The following FAM221B variants were observed in gnomAD, a reference collection of about 807,000 sequenced individuals.
FAM221B encodes the protein family with sequence similarity 221 member B, also known as protein FAM221B.
Under a neutral mutation model 39.8 loss-of-function variants are expected in FAM221B, and 35 were observed. That is an observed-to-expected ratio of 0.88 (90% CI 0.67 to 1.17). FAM221B has a LOEUF of 1.17. Ranked by LOEUF, FAM221B falls within the 50% of genes most tolerant of loss-of-function variation. FAM221B has a pLI of 0.00. For missense variants in FAM221B, 479 were observed against 503.1 expected (o/e 0.95, Z 0.46); for synonymous variants, 158 against 178.1 (o/e 0.89, Z 0.90).
At chr9:35,818,816 A>T (rs1829070696) in intron 6 of FAM221B, 74 bp downstream of exon 6, 1 of 1,538,042 alleles carries the variant, frequency 6.5e-7, no homozygotes, top group African/African-American at 1.4e-5. Context: ...ATGGTTGAGG[A>T]TGGGAGTGCC....
intron 3 of FAM221B, chr9:35,821,371 G>A (rs544946850): frequency 1.0e-5 from 12 of 1,192,620 alleles, no homozygotes; most frequent in Non-Finnish European, 1.3e-5. Context: ...GGCATCATCT[G>A]GTCTTTGACT....
Position 35,819,966 on chromosome 9 carries a change from T to C in FAM221B, c.777A>G (p.Leu259=), listed in dbSNP as rs1413908509. The change falls in exon 4 of 7, where the codon CTA becomes CTG. Residue 259 remains leucine (L), a synonymous_variant. Transcript: ENST00000423537. The part of the protein sequence containing the change: ...LYIGWRCPHY[L]WDCFRIGDES... ...CATCCCCAATCCGGAAACAGTCCCA[T>C]AGGTAATGGGGGCAGCGCCAGCCAA... The C allele has an allele frequency of 6.2e-7, 1 of 1,613,992 alleles. No homozygotes were observed. Among genetic ancestry groups the C allele is most frequent in the East Asian group, 2.2e-5 (1 of 44,886 alleles).
chr9:35,826,253 A>C, intron 1 of FAM221B, 92 bp from the exon 2 acceptor site: 1 of 953,256 alleles, frequency 1.0e-6, no homozygotes, highest in Non-Finnish European at 1.6e-6. Context: ...GCATTATGGA[A>C]TTTGGATAAG....
Position 35,816,956 on chromosome 9 carries a change from G to T in FAM221B, c.*1513C>A. On this transcript the variant is annotated 3_prime_UTR_variant, in exon 7 of 7. Coordinates refer to ENST00000423537, the MANE Select transcript of FAM221B (RefSeq NM_001012446.4). ...GAGACCCTAGAGTTGCCCTGGAGAA[G>T]GGCGAGAGATAAGTGGATCTGGGAT... 6.6e-6 allele frequency: 1 copy of T among 152,374 alleles called. No individual in the cohort carries two copies. 9.4% of individuals were successfully genotyped at this position (152,374 alleles called of 1,614,324 possible). A position where few individuals can be genotyped will look rare whatever the true frequency, so the allele number is the denominator to read the frequency against.
chr9:35,819,368 G>A lies in FAM221B; in HGVS notation c.880C>T (p.Gln294Ter), dbSNP rs752249442. 43 of 1,551,618 alleles carry A rather than the reference G, an allele frequency of 2.8e-5. No homozygotes were observed. The South Asian group carries it at 4.9e-4, about 18-fold the overall frequency. ...SDISVPCKVSQCRCFMFCFIP... is the reference protein window; with the variant it reads ...SDISVPCKVS ...AAGCAGAACATGAAGCAGCGGCACT[G>A]GCTTACCTTGCAGGGCACCGATATG... The change falls in exon 5 of 7, where the codon CAG becomes TAG. Residue 294 changes from glutamine (Q) to a stop codon, truncating the protein, a stop_gained. Transcript: ENST00000423537. LOFTEE classifies it high-confidence loss of function.
intron 5 of FAM221B, 36 bp from the exon 6 acceptor site, chr9:35,819,045 AT>A (rs1468311343): frequency 6.4e-7 from 1 of 1,551,258 alleles, no homozygotes; most frequent in South Asian, 1.2e-5. Flanking sequence ...AGTTTAGGAA[AT>A]GGTGGTATCC....
At chr9:35,824,332 A>G (rs1421609256) in intron 3 of FAM221B, among the ~76,000 whole-genome samples, 1 of 152,188 alleles carries the variant, frequency 6.6e-6, no homozygotes, top group Non-Finnish European at 1.5e-5. Context: ...CATGCATAGG[A>G]TGGCATGTTT....
At position 35,819,952 on chromosome 9, in the gene FAM221B, C is replaced by G; in HGVS notation, c.791G>C (p.Arg264Pro). Residue 264 changes from arginine (R) to proline (P), a missense_variant, in exon 4 of 7, where the codon CGG becomes CCG. Coordinates refer to ENST00000423537, the MANE Select transcript of FAM221B (RefSeq NM_001012446.4). ...RCPHYLWDCF[R>P]IGDESRCFCG... Reference sequence around the variant, plus strand: ...AAAGCATCTGGACTCATCCCCAATCCGGAAACAGTCCCATAGGTAATGGGG... The same window carrying G: ...AAAGCATCTGGACTCATCCCCAATCGGGAAACAGTCCCATAGGTAATGGGG... 1.9e-6 allele frequency: 3 copies of G among 1,614,080 alleles called. No individual in the cohort carries two copies. Among genetic ancestry groups the G allele is most frequent in the African/African-American group, 1.3e-5 (1 of 75,012 alleles).
At chr9:35,827,467 A>G (rs1417617795) in intron 1 of FAM221B, among the ~76,000 whole-genome samples, 2 of 152,174 alleles carry the variant, frequency 1.3e-5, no homozygotes, top group African/African-American at 4.8e-5. Flanking sequence ...TAGGAGAGAG[A>G]CCGATTAACC....
Position 35,819,412 on chromosome 9 carries a change from G to A in FAM221B, c.854-18C>T, listed in dbSNP as rs1829091817. 6.5e-7 allele frequency: 1 copy of A among 1,548,726 alleles called. No homozygotes were observed. Among genetic ancestry groups the A allele is most frequent in the South Asian group, 1.2e-5 (1 of 83,916 alleles). Reference sequence around the variant, plus strand: ...CGATATGTCTGTGGGATTGGGGATGGATGGTAGGGTTAATCTGATAGGACC... The same window carrying A: ...CGATATGTCTGTGGGATTGGGGATGAATGGTAGGGTTAATCTGATAGGACC... On this transcript the variant is annotated intron_variant, in intron 4 of 6. Coordinates refer to ENST00000423537, the MANE Select transcript of FAM221B (RefSeq NM_001012446.4).
chr9:35,825,226 T>C lies in FAM221B; in HGVS notation c.742+4A>G, dbSNP rs1431523421. The stretch of plus-strand genomic sequence containing the variant: ...CAGGCCTCTGAAAGGCCACATGGGC[T>C]CACCTGTCTGGATGGCATTCAGGGC... On this transcript the variant is annotated splice_donor_region_variant and intron_variant, in intron 3 of 6. Transcript: ENST00000423537. This position sits in a 1 kb window ranked among gnomAD's most constrained non-coding sequence, Gnocchi z 4.2. 2 of 1,614,210 alleles carry C rather than the reference T, an allele frequency of 1.2e-6. No homozygotes were observed. The highest frequency in any genetic ancestry group is 4.5e-5 in the East Asian group (2 of 44,886).
rs201127308 is a variant in FAM221B at position 35,819,912 on chromosome 9, C to T, written c.831G>A (p.Leu277=). ...DESRCFCGHL[L]REHRIISDIS... is the part of the protein sequence containing the mutation. ...TACCTGAGATGATCCGGTGCTCTCT[C>T]AACAAGTGTCCACAAAAGCATCTGG... The change falls in exon 4 of 7, where the codon TTG becomes TTA. Residue 277 remains leucine (L), a synonymous_variant. Transcript: ENST00000423537. 1.9e-6 allele frequency: 3 copies of T among 1,613,878 alleles called. No homozygotes were observed. In the East Asian group the frequency reaches 6.7e-5, roughly 36 times the overall value.
Position 35,818,486 on chromosome 9 carries a change from A to C in FAM221B, c.1192T>G (p.Trp398Gly). The C allele has an allele frequency of 1.3e-6, 2 of 1,551,750 alleles. No homozygotes were observed. The highest frequency in any genetic ancestry group is 1.7e-6 in the Non-Finnish European group (2 of 1,147,016). The change falls in exon 7 of 7, where the codon TGG becomes GGG. Residue 398 changes from tryptophan to glycine, a missense_variant. Trp to Gly is a radical substitution (Grantham distance 184, BLOSUM62 -2). Coordinates refer to ENST00000423537, the MANE Select transcript of FAM221B (RefSeq NM_001012446.4). ...GGCCAGACTCACAAAGGCCTGTGCC[A>C]GTTGCTGACAGTGTCTGTCCCTGGA... ...RPRGTDTVSNWHRPL is the reference protein window; with the variant it reads ...RPRGTDTVSNGHRPL
At chr9:35,827,313 TA>T (rs557724181) in intron 1 of FAM221B, among the ~76,000 whole-genome samples, 192 of 152,352 alleles carry the variant, frequency 1.3e-3, no homozygotes, top group African/African-American at 4.4e-3. Context: ...CTTTGTGTAA[TA>T]ACTTTGCCCC....
At position 35,816,703 on chromosome 9, in the gene FAM221B, TA is replaced by T. The variant is rs1829029995; in HGVS notation, c.*1765del. ...AACCACTGTTGGGGAACTTTGCTTC[TA>T]GAGATATAACAATCTCTTTTGTATA... On this transcript the variant is annotated 3_prime_UTR_variant, in exon 7 of 7. Transcript: ENST00000423537. 6.6e-6 allele frequency: 1 copy of T among 152,258 alleles called. No individual in the cohort carries two copies. The highest frequency in any genetic ancestry group is 6.5e-5 in the Admixed American group (1 of 15,288). The allele number at this position is 152,258 out of a possible 1,614,324, so 9.4% of individuals were successfully genotyped here.
chr9:35,825,317 T>C lies in FAM221B; in HGVS notation c.655A>G (p.Lys219Glu). The change falls in exon 3 of 7, where the codon AAG (lysine) becomes GAG (glutamate). Residue 219 changes from lysine (K) to glutamate (E), a missense_variant. Transcript: ENST00000423537. The surrounding 1 kb of genome is among the most constrained non-coding windows in gnomAD (Gnocchi z 4.2). ...CCAAACTCCTCTCTATGCATTGCCT[T>C]AGCCACTTCCACCAGCTCTGTCTGC... ...ARQTELVEVA[K>E]AMHREEFGAQ... The C allele has an allele frequency of 1.9e-6, 3 of 1,614,260 alleles. No individual in the cohort carries two copies. Among genetic ancestry groups the C allele is most frequent in the Non-Finnish European group, 2.5e-6 (3 of 1,180,052 alleles).
chr9:35,826,993 G>A (rs568304402), intron 1 of FAM221B: 20 of 152,346 alleles, frequency 1.3e-4, no homozygotes, highest in African/African-American at 4.8e-4. Context: ...TTTTAGTAGA[G>A]ACGGGGTTTC....
rs1241396028 is a variant in FAM221B, at chr9:35,828,382, CAAT to C, written c.-1+78_-1+80del. ...ACTACTACTACTACTACTACTACAACAATGTGAAGGGACTGAGGGGTGGGAGAA... is the reference window on the plus strand; with the variant it reads ...ACTACTACTACTACTACTACTACAACGTGAAGGGACTGAGGGGTGGGAGAA... On this transcript the variant is annotated intron_variant, in intron 1 of 6. Coordinates refer to ENST00000423537, the MANE Select transcript of FAM221B (RefSeq NM_001012446.4). This position sits in a 1 kb window ranked among gnomAD's most constrained non-coding sequence, Gnocchi z 4.5. The C allele has an allele frequency of 8.7e-6, 3 of 344,426 alleles. No individual in the cohort carries two copies. Among genetic ancestry groups the C allele is most frequent in the Non-Finnish European group, 1.2e-5 (3 of 245,182 alleles). The allele number at this position is 344,426 out of a possible 1,614,324, so 21.3% of individuals were successfully genotyped here. A position where few individuals can be genotyped will look rare whatever the true frequency, so the allele number is the denominator to read the frequency against.
Position 35,818,491 on chromosome 9 carries a change from C to A in FAM221B, c.1187G>T (p.Ser396Ile), listed in dbSNP as rs912733032. Residue 396 changes from serine (S) to isoleucine (I), a missense_variant, in exon 7 of 7, where the codon AGC (serine) becomes ATC (isoleucine). Physicochemically the swap from Ser to Ile is moderately radical, Grantham distance 142. Coordinates refer to ENST00000423537, the MANE Select transcript of FAM221B (RefSeq NM_001012446.4). ...GGRPRGTDTV[S>I]NWHRPL ...GACTCACAAAGGCCTGTGCCAGTTG[C>A]TGACAGTGTCTGTCCCTGGAGGAAG... is the stretch of plus-strand genomic sequence containing the variant. 1 of 1,551,632 alleles carries A rather than the reference C, an allele frequency of 6.4e-7. No homozygotes were observed. Among genetic ancestry groups the A allele is most frequent in the Admixed American group, 2.0e-5 (1 of 50,992 alleles).
Sources: allele counts gnomAD v4.1 joint callset (sites outside exome capture counted in the v4.1 genomes callset), GRCh38; gene constraint gnomAD v4.1.1; non-coding constraint Gnocchi (gnomAD v3.1); transcripts MANE v1.5; gene names NCBI Gene and HGNC (gene_info 2026-07-23, HGNC 2026-07-21).